Variants in PHF24 observed in about 807,000 individuals in gnomAD.
PHF24 encodes the protein Galpha inhibitory interacting protein.
Under a neutral mutation model 42.6 loss-of-function variants are expected in PHF24, and 25 were observed. The ratio of observed to expected loss-of-function variants is 0.59; its 90% CI spans 0.43 to 0.82. PHF24 has a LOEUF of 0.82. Ranked by LOEUF, PHF24 falls within the 40% of genes least tolerant of loss-of-function variation. The pLI is 0.00. For synonymous variants in PHF24, 185 were observed against 204.8 expected, an observed-to-expected ratio of 0.90 and a Z score of 0.83; for missense variants, 470 against 538.1, an observed-to-expected ratio of 0.87 and a Z score of 1.25.
the PHF24 span, among the ~76,000 whole-genome samples, chr9:34,772,199 C>T: frequency 3.9e-5 from 6 of 152,180 alleles, no homozygotes; most frequent in East Asian, 1.9e-4. Flanking sequence ...CAGTCAACAA[C>T]GCCTAAGAGC....
At chr9:34,863,415 C>CAGAGAGAGAG in the PHF24 span, among the ~76,000 whole-genome samples, 2 of 146,966 alleles carry the variant, frequency 1.4e-5, no homozygotes, top group African/African-American at 5.1e-5. Context: ...GCTGGCTCAT[C>CAGAGAGAGAG]AGAGAGAGAG....
chr9:34,887,817 TGA>T, the PHF24 span, among the ~76,000 whole-genome samples: 2 of 152,144 alleles, frequency 1.3e-5, no homozygotes, highest in East Asian at 3.8e-4. Flanking sequence ...GTAAGTTCCT[TGA>T]GAGAGCAGAT....
the PHF24 span, chr9:34,728,785 G>T: frequency 1.2e-6 from 1 of 852,350 alleles, no homozygotes; most frequent in Non-Finnish European, 1.9e-6. Flanking sequence ...ACACTCTCCT[G>T]GACTTCCTTT....
At chr9:34,837,018 A>C in the PHF24 span, 2 of 466,352 alleles carry the variant, frequency 4.3e-6, no homozygotes, top group Non-Finnish European at 8.9e-6. Flanking sequence ...TGAAAAAATC[A>C]CCACAGGCCA....
the PHF24 span, among the ~76,000 whole-genome samples, chr9:34,778,071 C>T: frequency 1.3e-5 from 2 of 152,172 alleles, no homozygotes; most frequent in African/African-American, 2.4e-5. Flanking sequence ...TTAGGTATTA[C>T]CTGTCACTTT....
chr9:34,782,986 G>A, the PHF24 span, among the ~76,000 whole-genome samples: 1 of 152,138 alleles, frequency 6.6e-6, no homozygotes, highest in African/African-American at 2.4e-5. Context: ...CATCTAGGTT[G>A]CGTTTTGTTT....
At chr9:34,835,811 A>G in the PHF24 span, 1 of 1,507,894 alleles carries the variant, frequency 6.6e-7, no homozygotes, top group African/African-American at 1.4e-5. Flanking sequence ...GATGCCAGTG[A>G]AAGCTCTCTG....
chr9:34,718,076 G>T, the PHF24 span, among the ~76,000 whole-genome samples: 2 of 152,076 alleles, frequency 1.3e-5, no homozygotes, highest in Non-Finnish European at 2.9e-5. Flanking sequence ...ACTATTTACC[G>T]CAAGGAGGGC....
the PHF24 span, among the ~76,000 whole-genome samples, chr9:34,942,837 G>C: frequency 1.3e-5 from 2 of 151,640 alleles, no homozygotes; most frequent in Non-Finnish European, 2.9e-5. Context: ...CATCACACAC[G>C]GGAGCCTGTC....
At chr9:34,759,670 C>T in the PHF24 span, among the ~76,000 whole-genome samples, 2 of 152,186 alleles carry the variant, frequency 1.3e-5, no homozygotes, top group Non-Finnish European at 2.9e-5. Context: ...CACCCGTTAG[C>T]CTGACCTCTT....
chr9:34,886,465 C>T, the PHF24 span, among the ~76,000 whole-genome samples: 1 of 147,692 alleles, frequency 6.8e-6, no homozygotes, highest in Admixed American at 6.8e-5. Flanking sequence ...ATCTAATGGT[C>T]AACTACAAGT....
chr9:34,677,756 G>A, the PHF24 span, among the ~76,000 whole-genome samples: 1 of 152,102 alleles, frequency 6.6e-6, no homozygotes, highest in East Asian at 1.9e-4. Flanking sequence ...AGCACTTATA[G>A]AACAAAATCC....
the PHF24 span, among the ~76,000 whole-genome samples, chr9:34,823,414 G>A: frequency 3.0e-4 from 45 of 152,210 alleles, no homozygotes; most frequent in African/African-American, 1.0e-3. Flanking sequence ...CCTTGGTCAT[G>A]CCATCCAGGA....
the PHF24 span, among the ~76,000 whole-genome samples, chr9:34,911,301 C>G: frequency 6.6e-6 from 1 of 152,036 alleles, no homozygotes; most frequent in African/African-American, 2.4e-5. Context: ...GTCACCCAGG[C>G]TAGAGTGCAG....
At chr9:34,822,885 C>T in the PHF24 span, among the ~76,000 whole-genome samples, 37 of 152,106 alleles carry the variant, frequency 2.4e-4, no homozygotes, top group African/African-American at 8.2e-4. Context: ...TGGGCACAGA[C>T]GCAGTAGGAA....
At chr9:34,670,382 C>T in the PHF24 span, among the ~76,000 whole-genome samples, 1 of 152,126 alleles carries the variant, frequency 6.6e-6, no homozygotes, top group East Asian at 1.9e-4. Flanking sequence ...GGGGACCTTT[C>T]CCTTAAACCT....
chr9:34,828,522 T>C, the PHF24 span, among the ~76,000 whole-genome samples: 1 of 152,346 alleles, frequency 6.6e-6, no homozygotes, highest in South Asian at 2.1e-4. Context: ...CCTCCTTGAA[T>C]ACGTGATTAT....
chr9:34,867,954 G>T, the PHF24 span, among the ~76,000 whole-genome samples: 1 of 152,318 alleles, frequency 6.6e-6, no homozygotes, highest in Admixed American at 6.5e-5. Flanking sequence ...CCCGCCACAA[G>T]TCTAAAGGAC....
chr9:34,896,231 C>A, the PHF24 span, among the ~76,000 whole-genome samples: 1 of 152,170 alleles, frequency 6.6e-6, no homozygotes, highest in Non-Finnish European at 1.5e-5. Flanking sequence ...GAGGATAGGG[C>A]AAGCATCATA....
Sources: allele counts gnomAD v4.1 joint callset (sites outside exome capture counted in the v4.1 genomes callset), GRCh38; gene constraint gnomAD v4.1.1; transcripts MANE v1.5; gene names NCBI Gene and HGNC (gene_info 2026-07-23, HGNC 2026-07-21).